Variants in AMZ2 observed in about 807,000 individuals in gnomAD.
AMZ2 encodes the protein archaelysin family metallopeptidase 2.
In AMZ2, 26 loss-of-function variants were observed where a neutral mutation model predicts 36.7. The ratio of observed to expected loss-of-function variants is 0.71; its 90% CI spans 0.52 to 0.98. The LOEUF (loss-of-function observed/expected upper bound fraction) is 0.98. AMZ2 is among the 50% of genes least tolerant of loss of function. The pLI is 0.00. For synonymous variants in AMZ2, 144 were observed against 149.1 expected, an observed-to-expected ratio of 0.97 and a Z score of 0.25; for missense variants, 394 against 430.5, an observed-to-expected ratio of 0.92 and a Z score of 0.75.
chr17:68,244,148 G>A (rs1199749679), upstream of AMZ2, among the ~76,000 whole-genome samples: 1 of 152,206 alleles, frequency 6.6e-6, no homozygotes, highest in African/African-American at 2.4e-5. Context: ...TAGAATGAAT[G>A]AACTCTGTGG....
chr17:68,217,810 A>ATT (rs145685949), intron 1 of AMZ2, among the ~76,000 whole-genome samples: 175 of 136,364 alleles, frequency 1.3e-3, no homozygotes, highest in African/African-American at 4.0e-3. Context: ...AATAAAAAAG[A>ATT]TTTTTTTTTT....
intron 1 of AMZ2, among the ~76,000 whole-genome samples, chr17:68,225,017 A>G (rs1488887580): frequency 1.2e-5 from 1 of 86,634 alleles, no homozygotes; most frequent in Non-Finnish European, 2.3e-5. Context: ...GTTTCTACTA[A>G]AAAAAAAAAC....
At chr17:68,234,047 A>G (rs1332956944) in intron 1 of AMZ2, among the ~76,000 whole-genome samples, 1 of 152,158 alleles carries the variant, frequency 6.6e-6, no homozygotes, top group Non-Finnish European at 1.5e-5. Context: ...AAGAACAAGT[A>G]GCATTCGGGC....
intron 1 of AMZ2, among the ~76,000 whole-genome samples, chr17:68,213,809 C>CT (rs1438493702): frequency 6.6e-6 from 1 of 151,592 alleles, no homozygotes; most frequent in Non-Finnish European, 1.5e-5. Flanking sequence ...CAGTTTTCCT[C>CT]TTTGTCTCTT....
At chr17:68,247,954 T>C (rs1839287892), upstream of AMZ2, 1 of 984,256 alleles carries the variant, frequency 1.0e-6, no homozygotes, top group South Asian at 4.7e-5. Context: ...GGGTGGGTCG[T>C]GAGTTGGGCG....
chr17:68,217,810 A>ATTT (rs145685949), intron 1 of AMZ2, among the ~76,000 whole-genome samples: 3 of 136,326 alleles, frequency 2.2e-5, no homozygotes, highest in Admixed American at 7.4e-5. Context: ...AATAAAAAAG[A>ATTT]TTTTTTTTTT....
At position 68,248,085 on chromosome 17, in the gene AMZ2, G is replaced by A. The variant is rs1555736768; in HGVS notation, c.-621G>A. The A allele has an allele frequency of 9.1e-6, 9 of 986,166 alleles. No individual in the cohort carries two copies. Among genetic ancestry groups the A allele is most frequent in the East Asian group, 1.1e-4 (1 of 8,826 alleles). 61.1% of individuals were successfully genotyped at this position (986,166 alleles called of 1,614,324 possible). On this transcript the variant is annotated 5_prime_UTR_variant, in exon 1 of 7. Transcript: ENST00000359904. ...TGCGCATGCGCGTGAGGGCTGCCGC[G>A]GGTGGGTGGTATCGAGGCCTGTCGG... is the stretch of plus-strand genomic sequence containing the variant.
At chr17:68,217,068 A>G (rs1555727470) in intron 1 of AMZ2, among the ~76,000 whole-genome samples, 1 of 152,120 alleles carries the variant, frequency 6.6e-6, no homozygotes, top group African/African-American at 2.4e-5. Context: ...AAATTTTGAA[A>G]TAAAGGCGTT....
chr17:68,247,586 G>A, upstream of AMZ2: 4 of 968,330 alleles, frequency 4.1e-6, no homozygotes, highest in Non-Finnish European at 4.9e-6. Context: ...ATAAAGAAGG[G>A]AAAGTGCTGA....
intron 1 of AMZ2, among the ~76,000 whole-genome samples, chr17:68,218,463 A>G (rs1213192483): frequency 1.3e-5 from 2 of 152,202 alleles, no homozygotes; most frequent in Non-Finnish European, 2.9e-5. Flanking sequence ...TGCTAGGATT[A>G]CAACAGGTGT....
intron 1 of AMZ2, among the ~76,000 whole-genome samples, chr17:68,208,360 A>G (rs1877933940): frequency 6.6e-6 from 1 of 152,170 alleles, no homozygotes. Context: ...ATCTAGCTCA[A>G]GGTTTATAAA....
chr17:68,219,912 C>T (rs1421540671), intron 1 of AMZ2, among the ~76,000 whole-genome samples: 2 of 152,154 alleles, frequency 1.3e-5, no homozygotes, highest in East Asian at 1.9e-4. Context: ...CTCGACATTG[C>T]TACACAGATG....
chr17:68,231,811 C>G (rs2073670627), intron 1 of AMZ2, among the ~76,000 whole-genome samples: 2 of 152,110 alleles, frequency 1.3e-5, no homozygotes, highest in African/African-American at 4.8e-5. Flanking sequence ...AGAGGGTGGT[C>G]AGGTTTTACA....
At chr17:68,227,006 T>C (rs570657185) in intron 1 of AMZ2, among the ~76,000 whole-genome samples, 80 of 150,838 alleles carry the variant, frequency 5.3e-4, no homozygotes, top group Admixed American at 2.2e-3. Flanking sequence ...TGAACTGCTG[T>C]TGTTATACAT....
At chr17:68,219,478 C>T (rs2073290495) in intron 1 of AMZ2, among the ~76,000 whole-genome samples, 2 of 152,168 alleles carry the variant, frequency 1.3e-5, no homozygotes, top group South Asian at 4.1e-4. Flanking sequence ...GTACTTATCC[C>T]ATGTTACTGC....
intron 6 of AMZ2, 130 bp downstream of exon 6, chr17:68,256,006 T>C: frequency 9.5e-7 from 1 of 1,053,854 alleles, no homozygotes. Flanking sequence ...AGCAGGAAGC[T>C]GCGGTTTAAA....
chr17:68,211,714 G>GTATATA (rs1169012916), intron 1 of AMZ2, among the ~76,000 whole-genome samples: 1 of 106,776 alleles, frequency 9.4e-6, no homozygotes. Context: ...ATATGTATAT[G>GTATATA]TATATATATG....
chr17:68,221,222 C>CCCCCCCCCCCCCCCCCCCCCCCCA (rs2073356037), intron 1 of AMZ2, among the ~76,000 whole-genome samples: 1 of 85,588 alleles, frequency 1.2e-5, no homozygotes. Context: ...CCCCCCCGCC[C>CCCCCCCCCCCCCCCCCCCCCCCCA]CCCCGGTAGC....
At chr17:68,210,930 CAG>C (rs1436024220) in intron 1 of AMZ2, among the ~76,000 whole-genome samples, 1 of 126,678 alleles carries the variant, frequency 7.9e-6, no homozygotes, top group Non-Finnish European at 1.6e-5. Context: ...GCCTGAAAGA[CAG>C]AGTGAGACCC....
Sources: gnomAD v4.1 joint callset for allele counts (sites outside exome capture counted in the v4.1 genomes callset) on GRCh38, gnomAD v4.1.1 for gene constraint, MANE v1.5 for transcripts, NCBI Gene and HGNC (gene_info 2026-07-23, HGNC 2026-07-21) for gene names.